OSGEPL1: variants seen among roughly 807,000 people sequenced by gnomAD.
The protein encoded by OSGEPL1 is tRNA N6-adenosine threonylcarbamoyltransferase, mitochondrial.
A neutral mutation model predicts 37.2 loss-of-function variants in OSGEPL1; 26 were observed. The ratio of observed to expected loss-of-function variants is 0.70; its 90% CI spans 0.51 to 0.97. The LOEUF is 0.97. Among genes scored for constraint, OSGEPL1 ranks in the 50% least tolerant of loss-of-function variants. The probability of loss-of-function intolerance (pLI) is 0.00; values close to 1 mark genes in which losing one functional copy is unlikely to be tolerated. For missense variants in OSGEPL1, 404 were observed against 487.0 expected, an observed-to-expected ratio of 0.83 and a Z score of 1.60; for synonymous variants, 140 against 159.9, an observed-to-expected ratio of 0.88 and a Z score of 0.94.
chr2:189,748,257 C>T (rs2044472342), intron 8 of OSGEPL1, among the ~76,000 whole-genome samples: 1 of 152,182 alleles, frequency 6.6e-6, no homozygotes, highest in Non-Finnish European at 1.5e-5. Context: ...GGTTGGACGG[C>T]AATAGTGCAA....
intron 2 of OSGEPL1, among the ~76,000 whole-genome samples, chr2:189,759,377 T>A (rs1165464074): frequency 1.3e-5 from 2 of 152,158 alleles, no homozygotes; most frequent in Non-Finnish European, 2.9e-5. Context: ...GCCTCCCAAG[T>A]AGCTGCGACT....
chr2:189,753,184 C>T (rs1229046083), intron 5 of OSGEPL1: 2 of 342,410 alleles, frequency 5.8e-6, no homozygotes, highest in Admixed American at 4.4e-5. Flanking sequence ...ACATTACTAG[C>T]ATTTTTGTAT....
At chr2:189,757,929 G>T (rs1474385516) in intron 2 of OSGEPL1, among the ~76,000 whole-genome samples, 3 of 152,196 alleles carry the variant, frequency 2.0e-5, no homozygotes, top group African/African-American at 4.8e-5. Context: ...TGCTCACTTA[G>T]TGATATGGTT....
rs1442018403 is a variant in OSGEPL1, at chr2:189,754,322, T to C, written c.633A>G (p.Ile211Met). Reference sequence around the variant, plus strand: ...TCATGGTGGAGCACTCTGGATGTTTTATTAAAGAAAGTCTTCTTGCCACCT... The same window carrying C: ...TCATGGTGGAGCACTCTGGATGTTTCATTAAAGAAAGTCTTCTTGCCACCT... ...LDKVARRLSL[I>M]KHPECSTMSG... The change falls in exon 4 of 9, where the codon ATA becomes ATG. Residue 211 changes from isoleucine (I) to methionine (M), a missense_variant. Ile to Met is a conservative substitution (Grantham distance 10). Transcript: ENST00000264151. 6.2e-7 allele frequency: 1 copy of C among 1,608,192 alleles called. No individual in the cohort carries two copies. The highest frequency in any genetic ancestry group is 8.5e-7 in the Non-Finnish European group (1 of 1,177,148).
chr2:189,762,652 T>A (rs561494750), intron 1 of OSGEPL1, 33 bp downstream of exon 1: 222 of 985,370 alleles, frequency 2.3e-4, no homozygotes, highest in Non-Finnish European at 2.6e-4. Flanking sequence ...CGCAAAAGCG[T>A]CAGTGGGGTG....
chr2:189,752,730 T>A lies in OSGEPL1; in HGVS notation c.1095-6A>T. ...GTAGTCTTTCAATACCATTCCTAAA[T>A]AAGAAGCATTAAAATAAAATCAATA... On this transcript the variant is annotated splice_region_variant and splice_polypyrimidine_tract_variant and intron_variant, in intron 6 of 8. Coordinates refer to ENST00000264151, the MANE Select transcript of OSGEPL1 (RefSeq NM_022353.3). 6.2e-7 allele frequency: 1 copy of A among 1,613,816 alleles called. No homozygotes were observed. The highest frequency in any genetic ancestry group is 8.5e-7 in the Non-Finnish European group (1 of 1,179,830).
chr2:189,761,074 AT>A (rs1030474661), intron 2 of OSGEPL1: 124 of 120,354 alleles, frequency 1.0e-3, no homozygotes, highest in South Asian at 2.4e-3. Context: ...TATGAATAGG[AT>A]TTTTTTTTTC....
In OSGEPL1 at chr2:189,754,254, C is replaced by T. The variant is rs773773566; in HGVS notation, c.701G>A (p.Arg234Lys). 7 of 1,613,812 alleles carry T rather than the reference C, an allele frequency of 4.3e-6. No individual in the cohort carries two copies. The South Asian group carries it at 7.7e-5, about 18-fold the overall frequency. Residue 234 changes from arginine (R) to lysine (K), a missense_variant, in exon 4 of 9, where the codon AGA (arginine) becomes AAA (lysine). Arg to Lys is a conservative substitution (Grantham distance 26). Coordinates refer to ENST00000264151, the MANE Select transcript of OSGEPL1 (RefSeq NM_022353.3). ...AIEHLAKQGN[R>K]FHFDIKPPLH... The stretch of plus-strand genomic sequence containing the variant: ...GGGAGGTTTGATGTCAAAATGAAAT[C>T]TATTTCCTTGTTTGGCCAAATGTTC...
chr2:189,762,838 C>T, upstream of OSGEPL1: 5 of 985,412 alleles, frequency 5.1e-6, no homozygotes, highest in Non-Finnish European at 6.0e-6. Context: ...GCTGCTGTTC[C>T]GCTAGCGAGC....
intron 8 of OSGEPL1, among the ~76,000 whole-genome samples, chr2:189,747,707 A>G (rs1184234957): frequency 6.6e-6 from 1 of 151,960 alleles, no homozygotes; most frequent in African/African-American, 2.4e-5. Flanking sequence ...TTATTTATTT[A>G]TTCGAGATGG....
chr2:189,753,069 CAATAATAAA>C, intron 5 of OSGEPL1, 90 bp from the exon 6 acceptor site: 1 of 1,202,940 alleles, frequency 8.3e-7, no homozygotes, highest in South Asian at 1.7e-5. Flanking sequence ...CAGCATTAAA[CAATAATAAA>C]CTATCCCATT....
At chr2:189,763,167 GA>G, upstream of OSGEPL1, 4 of 985,264 alleles carry the variant, frequency 4.1e-6, no homozygotes, top group Non-Finnish European at 4.8e-6. Context: ...TGAGGTACCT[GA>G]TACTTTCATC....
At chr2:189,760,780 ACT>A (rs1307795328) in intron 2 of OSGEPL1, among the ~76,000 whole-genome samples, 2 of 150,188 alleles carry the variant, frequency 1.3e-5, no homozygotes, top group Non-Finnish European at 1.5e-5. Flanking sequence ...ACAGAGTGAG[ACT>A]CTGTCTCACC....
intron 5 of OSGEPL1, among the ~76,000 whole-genome samples, chr2:189,753,514 G>A (rs1348707181): frequency 3.3e-5 from 5 of 151,972 alleles, no homozygotes; most frequent in African/African-American, 1.2e-4. Context: ...TTAGTGTCAC[G>A]AAAGTTGGTA....
chr2:189,756,390 C>T (rs1355339353), intron 2 of OSGEPL1, among the ~76,000 whole-genome samples: 2 of 152,058 alleles, frequency 1.3e-5, no homozygotes, highest in Non-Finnish European at 2.9e-5. Context: ...ATAGAGTCTG[C>T]AAAACGCACT....
intron 8 of OSGEPL1, among the ~76,000 whole-genome samples, chr2:189,749,364 G>A (rs2044733522): frequency 6.7e-6 from 1 of 148,496 alleles, no homozygotes. Flanking sequence ...GAGCCTAGGA[G>A]TTCTACTCCA....
chr2:189,757,546 T>C (rs75999172), intron 2 of OSGEPL1, among the ~76,000 whole-genome samples: 2,483 of 152,348 alleles, frequency 0.016, 68 homozygotes, highest in African/African-American at 0.056. Context: ...ACAACATTAA[T>C]TTGAGTTAGT....
At chr2:189,760,519 G>A (rs993518560) in intron 2 of OSGEPL1, among the ~76,000 whole-genome samples, 3 of 152,292 alleles carry the variant, frequency 2.0e-5, no homozygotes, top group East Asian at 3.9e-4. Flanking sequence ...CCAGCCCGGC[G>A]CGGTGTCTCA....
intron 3 of OSGEPL1, 153 bp downstream of exon 3, chr2:189,755,018 ACT>A (rs2045891341): frequency 1.2e-6 from 1 of 804,486 alleles, no homozygotes. Flanking sequence ...ATTGTGTACT[ACT>A]CTTTCTATTT....
Sources: allele counts gnomAD v4.1 joint callset (sites outside exome capture counted in the v4.1 genomes callset), GRCh38; gene constraint gnomAD v4.1.1; transcripts MANE v1.5; gene names NCBI Gene and HGNC (gene_info 2026-07-23, HGNC 2026-07-21).